SCRIB: variants seen among roughly 807,000 people sequenced by gnomAD.
SCRIB encodes scribble planar cell polarity protein, also known as protein scribble homolog.
SCRIB carries 72 observed loss-of-function variants against 170.0 expected under a neutral mutation model. The observed-to-expected ratio is 0.42, with a 90% confidence interval of 0.35 to 0.52. SCRIB has a LOEUF of 0.52. Among genes scored for constraint, SCRIB ranks in the 20% least tolerant of loss-of-function variants. The pLI is 0.02. For synonymous variants in SCRIB, 1,298 were observed against 1,044.3 expected (o/e 1.24, Z -4.68); for missense variants, 2,475 against 2,338.5 (o/e 1.06, Z -1.20).
Position 143,805,169 on chromosome 8 carries a change from C to A in SCRIB, c.2613G>T (p.Gly871=), listed in dbSNP as rs782697424. ...HVACLARSER[G]LGFSIAGGKG... is the part of the protein sequence containing the mutation. ...TCCCACCAGCAATGCTGAAGCCCAG[C>A]CCCCTCTCGCTGCGTGCCAGGCAGG... is the stretch of plus-strand genomic sequence containing the variant. Residue 871 remains glycine (G), a synonymous_variant, in exon 19 of 37, where the codon GGG becomes GGT. Transcript: ENST00000356994. The A allele has an allele frequency of 1.3e-6, 2 of 1,574,510 alleles. No individual in the cohort carries two copies. The highest frequency in any genetic ancestry group is 3.5e-5 in the Admixed American group (2 of 56,666).
rs548529206 is a variant in SCRIB at position 143,791,828 on chromosome 8, C to A, written c.4695+48G>T. ...GGGGGTGGGGGCAGGCCAGACCCCACCCCCATGCCTCGGGGGTGAAGGGAA... is the reference window on the plus strand; with the variant it reads ...GGGGGTGGGGGCAGGCCAGACCCCAACCCCATGCCTCGGGGGTGAAGGGAA... On this transcript the variant is annotated intron_variant, in intron 34 of 36. Transcript: ENST00000356994. 51 of 1,506,034 alleles carry A rather than the reference C, an allele frequency of 3.4e-5. 1 individual carries two copies. The highest frequency in any genetic ancestry group is 1.3e-4 in the African/African-American group (8 of 60,322). 93.3% of individuals were successfully genotyped at this position (1,506,034 alleles called of 1,614,324 possible).
At chr8:143,797,894 G>A (rs1183494863) in intron 24 of SCRIB, among the ~76,000 whole-genome samples, 6 of 152,282 alleles carry the variant, frequency 3.9e-5, no homozygotes, top group African/African-American at 1.4e-4. Context: ...AGGGCTGAGT[G>A]TCAGAGGTTC....
In SCRIB at chr8:143,805,236, A is replaced by AGCAGGG; in HGVS notation, c.2540_2545dup (p.Pro847_Leu848dup). Reference sequence around the variant, plus strand: ...GAGGGGCCCGGGGCTCTCAGGCGGGAGCAGGGGCAGGCGCAGCCCCCCTCC... The same window carrying AGCAGGG: ...GAGGGGCCCGGGGCTCTCAGGCGGGAGCAGGGGCAGGGGCAGGCGCAGCCCCCCTCC... On this transcript the variant is annotated inframe_insertion, in exon 19 of 37. Transcript: ENST00000356994. 1 of 1,540,420 alleles carries AGCAGGG rather than the reference A, an allele frequency of 6.5e-7. No homozygotes were observed. The highest frequency in any genetic ancestry group is 8.7e-7 in the Non-Finnish European group (1 of 1,148,104).
At chr8:143,803,607 G>A (rs543640960) in intron 23 of SCRIB, 36 bp from the exon 24 acceptor site, 2 of 1,570,342 alleles carry the variant, frequency 1.3e-6, no homozygotes, top group African/African-American at 1.3e-5. Context: ...GACCTGTTGG[G>A]GGGTGGGGCC....
Position 143,812,056 on chromosome 8 carries a change from G to A in SCRIB, c.906+210C>T, listed in dbSNP as rs201243435. On this transcript the variant is annotated intron_variant, in intron 9 of 36. Transcript: ENST00000356994. The stretch of plus-strand genomic sequence containing the variant: ...TAAACACGAGACCTAGATTCTTCAC[G>A]GTAAACGGCAAAGGCCCCTGCCCTG... 1.8e-4 allele frequency among the ~76,000 whole-genome samples: 27 copies of A among 152,268 alleles called. No homozygotes were observed. In the East Asian group the frequency reaches 3.3e-3, roughly 18 times the overall value.
Position 143,791,916 on chromosome 8 carries a change from G to C in SCRIB, c.4658-3C>G. 1 of 1,515,776 alleles carries C rather than the reference G, an allele frequency of 6.6e-7. No homozygotes were observed. The highest frequency in any genetic ancestry group is 1.3e-5 in the South Asian group (1 of 76,622). The allele number at this position is 1,515,776 out of a possible 1,614,324, so 93.9% of individuals were successfully genotyped here. ...GGTGCTGGTCTGGGGGCCGAGGTCT[G>C]GGGGGACAAGAAGCGGGCATTGGAA... On this transcript the variant is annotated splice_polypyrimidine_tract_variant and splice_region_variant and intron_variant, in intron 33 of 36. Transcript: ENST00000356994.
chr8:143,804,100 G>A lies in SCRIB; in HGVS notation c.3066C>T (p.Ser1022=), dbSNP rs565642007. 3.2e-5 allele frequency: 52 copies of A among 1,612,760 alleles called. No individual in the cohort carries two copies. The highest frequency in any genetic ancestry group is 1.5e-4 in the South Asian group (14 of 90,966). The change falls in exon 22 of 37, where the codon TCC becomes TCT. Residue 1022 remains serine, a synonymous_variant. Transcript: ENST00000356994. ...GPLGLSIVGG[S]DHSSHPFGVQ... Reference sequence around the variant, plus strand: ...CACCAAACGGGTGGCTGGAATGGTCGGAGCCTCCGACAATACTAAGCCCCA... The same window carrying A: ...CACCAAACGGGTGGCTGGAATGGTCAGAGCCTCCGACAATACTAAGCCCCA...
Position 143,807,001 on chromosome 8 carries a change from T to C in SCRIB, c.2191A>G (p.Ile731Val), listed in dbSNP as rs1016747152. The C allele has an allele frequency of 5.0e-6, 8 of 1,612,234 alleles. No homozygotes were observed. Among genetic ancestry groups the C allele is most frequent in the Non-Finnish European group, 4.2e-6 (5 of 1,179,226 alleles). ...CCCAGGCCCCCAGTCTGCCGCAGGA[T>C]AGTGAGGGTCAGCTGGAAACAGAAC... ...RIEEEELTLT[I>V]LRQTGGLGIS... is the part of the protein sequence containing the mutation. The change falls in exon 17 of 37, where the codon ATC (isoleucine) becomes GTC (valine). Residue 731 changes from isoleucine (I) to valine (V), a missense_variant. This residue lies in a region of SCRIB where 1,966 missense variants were observed against 1,742.9 expected (regional missense o/e 1.13). Coordinates refer to ENST00000356994, the MANE Select transcript of SCRIB (RefSeq NM_182706.5).
chr8:143,805,047 G>T (rs373667223), intron 19 of SCRIB, 33 bp from the exon 20 acceptor site: 4 of 1,581,252 alleles, frequency 2.5e-6, no homozygotes, highest in Middle Eastern at 1.7e-4. Flanking sequence ...CAGGGCTGCC[G>T]GTGAGGCTGG....
chr8:143,791,838 T>G (rs782785038), intron 34 of SCRIB, 38 bp downstream of exon 34: 4 of 1,500,296 alleles, frequency 2.7e-6, no homozygotes, highest in Admixed American at 2.1e-5. Context: ...CCCCCATGCC[T>G]CGGGGGTGAA....
rs1180633402 is a variant in SCRIB, at chr8:143,804,651, T to C, written c.2926A>G (p.Thr976Ala). 2.0e-6 allele frequency: 3 copies of C among 1,534,670 alleles called. No individual in the cohort carries two copies. Among genetic ancestry groups the C allele is most frequent in the Non-Finnish European group, 2.6e-6 (3 of 1,140,018 alleles). ...AACCCAGGCACCCCGGGGGTGGCAG[T>C]GGTTATGCTGGTGGTGGCAACAGCA... ...TAAVATTSIT[T>A]ATPGVPGLPS... is the part of the protein sequence containing the mutation. The change falls in exon 21 of 37, where the codon ACT (threonine) becomes GCT (alanine). Residue 976 changes from threonine to alanine, a missense_variant. Thr to Ala is a moderately conservative substitution (Grantham distance 58). Coordinates refer to ENST00000356994, the MANE Select transcript of SCRIB (RefSeq NM_182706.5).
rs1820061356 is a variant in SCRIB at position 143,791,177 on chromosome 8, GGCCCAGGCCACGGC to G, written c.4940_4953del (p.Arg1647ProfsTer47). 2 of 1,432,128 alleles carry G rather than the reference GGCCCAGGCCACGGC, an allele frequency of 1.4e-6. No homozygotes were observed. The highest frequency in any genetic ancestry group is 1.8e-6 in the Non-Finnish European group (2 of 1,091,312). The allele number at this position is 1,432,128 out of a possible 1,614,324, so 88.7% of individuals were successfully genotyped here. On this transcript the variant is annotated frameshift_variant, in exon 37 of 37. Coordinates refer to ENST00000356994, the MANE Select transcript of SCRIB (RefSeq NM_182706.5). LOFTEE classifies it high-confidence loss of function. The stretch of plus-strand genomic sequence containing the variant: ...TGCCTGCTCCTCTAGGAGGGCACAG[GGCCCAGGCCACGGC>G]GCCCAGGCCTTACGGGGCGGCGGCT...
At chr8:143,813,162 G>C in intron 6 of SCRIB, 58 bp from the exon 7 acceptor site, 2 of 1,585,436 alleles carry the variant, frequency 1.3e-6, no homozygotes, top group Non-Finnish European at 8.6e-7. Flanking sequence ...GCTGCGCCGT[G>C]CTCAAGAGAC....
At position 143,804,831 on chromosome 8, in the gene SCRIB, A is replaced by G. The variant is rs782161077; in HGVS notation, c.2752-6T>C. The G allele has an allele frequency of 6.6e-7, 1 of 1,522,544 alleles. No individual in the cohort carries two copies. Among genetic ancestry groups the G allele is most frequent in the South Asian group, 1.2e-5 (1 of 86,928 alleles). 94.3% of individuals were successfully genotyped at this position (1,522,544 alleles called of 1,614,324 possible). ...GTCACGTCCACTCCATTAATCTGTGAGAGCGTGCCCGAATCAGGGAGGCCC... is the reference window on the plus strand; with the variant it reads ...GTCACGTCCACTCCATTAATCTGTGGGAGCGTGCCCGAATCAGGGAGGCCC... On this transcript the variant is annotated splice_polypyrimidine_tract_variant and splice_region_variant and intron_variant, in intron 20 of 36. Transcript: ENST00000356994.
Position 143,793,041 on chromosome 8 carries a change from T to G in SCRIB, c.3952A>C (p.Lys1318Gln). The change falls in exon 29 of 37, where the codon AAG (lysine) becomes CAG (glutamine). Residue 1318 changes from lysine to glutamine, a missense_variant. By Grantham distance (53) the Lys-to-Gln change is moderately conservative. Coordinates refer to ENST00000356994, the MANE Select transcript of SCRIB (RefSeq NM_182706.5). The stretch of plus-strand genomic sequence containing the variant: ...GCCGCGAAGGCCCTGTAGGCCTGCT[T>G]CACATTGGCGGGCAGCTCATCCGGA... ...PSPDELPANVKQAYRAFAAVP... is the reference protein window; with the variant it reads ...PSPDELPANVQQAYRAFAAVP... 3 of 1,502,642 alleles carry G rather than the reference T, an allele frequency of 2.0e-6. No individual in the cohort carries two copies. The highest frequency in any genetic ancestry group is 2.7e-6 in the Non-Finnish European group (3 of 1,123,934). 93.1% of individuals were successfully genotyped at this position (1,502,642 alleles called of 1,614,324 possible).
chr8:143,813,814 C>G lies in SCRIB; in HGVS notation c.356+4G>C. 6.2e-7 allele frequency: 1 copy of G among 1,608,238 alleles called. No individual in the cohort carries two copies. Among genetic ancestry groups the G allele is most frequent in the Non-Finnish European group, 8.5e-7 (1 of 1,176,368 alleles). ...TACCGACCCCACCACAGGCTGCCAC[C>G]CACCTGGAGAGGGGGTTCCCGCTGA... On this transcript the variant is annotated splice_donor_region_variant and intron_variant, in intron 3 of 36. Coordinates refer to ENST00000356994, the MANE Select transcript of SCRIB (RefSeq NM_182706.5).
chr8:143,791,230 A>C lies in SCRIB; in HGVS notation c.4901T>G (p.Val1634Gly). ...GGGGCGGCGGCTGCTGCACAGTGCCACATCTTCAGGGCCCACAGCGCCGGG... is the reference window on the plus strand; with the variant it reads ...GGGGCGGCGGCTGCTGCACAGTGCCCCATCTTCAGGGCCCACAGCGCCGGG... ...PSPGAVGPED[V>G]ALCSSRRPVR... Residue 1634 changes from valine (V) to glycine (G), a missense_variant, in exon 37 of 37, where the codon GTG (valine) becomes GGG (glycine). Physicochemically the swap from Val to Gly is moderately radical, Grantham distance 109 (BLOSUM62 -3). Transcript: ENST00000356994. 1.3e-6 allele frequency: 2 copies of C among 1,481,938 alleles called. No individual in the cohort carries two copies. The highest frequency in any genetic ancestry group is 1.8e-6 in the Non-Finnish European group (2 of 1,114,972). The allele number at this position is 1,481,938 out of a possible 1,614,324, so 91.8% of individuals were successfully genotyped here.
intron 13 of SCRIB, among the ~76,000 whole-genome samples, chr8:143,810,182 T>G (rs1815641432): frequency 1.3e-5 from 2 of 151,886 alleles, no homozygotes; most frequent in African/African-American, 4.8e-5. Context: ...CCACGGCAGT[T>G]CCACCAGAGA....
At position 143,807,002 on chromosome 8, in the gene SCRIB, A is replaced by G. The variant is rs10866915; in HGVS notation, c.2190T>C (p.Thr730=). 0.91 allele frequency: 1,465,050 copies of G among 1,611,584 alleles called. 667,455 individuals are homozygous for G. The highest frequency in any genetic ancestry group is 0.98 in the East Asian group (43,829 of 44,792). Residue 730 remains threonine (T), a synonymous_variant, in exon 17 of 37, where the codon ACT becomes ACC. Transcript: ENST00000356994. ...CCAGGCCCCCAGTCTGCCGCAGGAT[A>G]GTGAGGGTCAGCTGGAAACAGAACA... ...ARIEEEELTL[T]ILRQTGGLGI...
Sources: gnomAD v4.1 joint callset for allele counts (sites outside exome capture counted in the v4.1 genomes callset) on GRCh38, gnomAD v4.1.1 for gene constraint, gnomAD v4.1.1 regional missense constraint, MANE v1.5 for transcripts, NCBI Gene and HGNC (gene_info 2026-07-23, HGNC 2026-07-21) for gene names.